VWF: variants seen among roughly 807,000 people sequenced by gnomAD.
The protein encoded by VWF is Factor VIII related antigen.
In VWF, 176 loss-of-function variants were observed where a neutral mutation model predicts 308.6. That is an observed-to-expected ratio of 0.57 (90% CI 0.50 to 0.65). The LOEUF (loss-of-function observed/expected upper bound fraction) is 0.65. Among genes scored for constraint, VWF ranks in the 30% least tolerant of loss-of-function variants. VWF has a pLI of 0.00. For missense variants in VWF, 3,146 were observed against 3,648.2 expected, an observed-to-expected ratio of 0.86 and a Z score of 3.55; for synonymous variants, 1,385 against 1,443.4, an observed-to-expected ratio of 0.96 and a Z score of 0.92.
chr12:6,039,069 C>A (rs956284765), intron 18 of VWF, among the ~76,000 whole-genome samples: 1 of 152,116 alleles, frequency 6.6e-6, no homozygotes, highest in Admixed American at 6.5e-5. Context: ...GCACAACAGT[C>A]CCTGGCCAAA....
chr12:5,969,516 C>T (rs1446403903), intron 44 of VWF, 125 bp from the exon 45 acceptor site: 2 of 1,158,774 alleles, frequency 1.7e-6, no homozygotes, highest in South Asian at 1.5e-5. Context: ...CATGTAAGTC[C>T]CACCACAGGG....
chr12:6,103,563 C>T lies in VWF; in HGVS notation c.532+6811G>A, dbSNP rs1591920259. On this transcript the variant is annotated intron_variant, in intron 5 of 51. Transcript: ENST00000261405. ...ATATGTATACACACACACACACACA[C>T]ACACACACACACACACACACAGATC... Among the ~76,000 whole-genome samples, 2 of 124,682 alleles carry T rather than the reference C, an allele frequency of 1.6e-5. 1 individual carries two copies. The highest frequency in any genetic ancestry group is 8.8e-5 in the African/African-American group (2 of 22,830). The allele number at this position is 124,682 out of a possible 152,430, so 81.8% of individuals were successfully genotyped here. A position where few individuals can be genotyped will look rare whatever the true frequency, so the allele number is the denominator to read the frequency against.
At position 6,121,181 on chromosome 12, in the gene VWF, C is replaced by A; in HGVS notation, c.213G>T (p.Ser71=). 6.2e-7 allele frequency: 1 copy of A among 1,614,160 alleles called. No homozygotes were observed. Among genetic ancestry groups the A allele is most frequent in the Non-Finnish European group, 8.5e-7 (1 of 1,180,030 alleles). ...LAGGCQKRSF[S]IIGDFQNGKR... ...GCAGTGCCCAGAACTCACCAATAAT[C>A]GAGAAGGAGCGTTTCTGGCAGCCCC... Residue 71 remains serine (S), a synonymous_variant, in exon 3 of 52, where the codon TCG becomes TCT. Transcript: ENST00000261405.
intron 50 of VWF, 94 bp downstream of exon 50, chr12:5,951,750 C>T (rs1405392298): frequency 1.3e-5 from 17 of 1,334,824 alleles, no homozygotes; most frequent in South Asian, 2.3e-5. Context: ...AACAGTCATG[C>T]GGCTTGCTAA....
intron 47 of VWF, among the ~76,000 whole-genome samples, chr12:5,957,071 T>C (rs1459429217): frequency 6.6e-6 from 1 of 152,240 alleles, no homozygotes; most frequent in Non-Finnish European, 1.5e-5. Context: ...TATGTTTACA[T>C]GTGTTTAGAT....
chr12:6,000,567 G>A (rs1943860050), intron 34 of VWF, among the ~76,000 whole-genome samples: 1 of 152,052 alleles, frequency 6.6e-6, no homozygotes, highest in Non-Finnish European at 1.5e-5. Flanking sequence ...CAGAACTTTG[G>A]GAGGCCGAGG....
intron 21 of VWF, 29 bp from the exon 22 acceptor site, chr12:6,029,517 G>C (rs750175116): frequency 6.2e-7 from 1 of 1,612,698 alleles, no homozygotes; most frequent in East Asian, 2.2e-5. Flanking sequence ...AGAAATCCAG[G>C]AGGATGAAGG....
intron 47 of VWF, 31 bp downstream of exon 47, chr12:5,967,455 A>G (rs752608230): frequency 6.2e-7 from 1 of 1,600,954 alleles, no homozygotes; most frequent in African/African-American, 1.3e-5. Flanking sequence ...CGTCCAGTCC[A>G]TGCCCTCGGT....
At chr12:5,965,795 A>C (rs1943395072) in intron 47 of VWF, among the ~76,000 whole-genome samples, 1 of 152,182 alleles carries the variant, frequency 6.6e-6, no homozygotes, top group African/African-American at 2.4e-5. Flanking sequence ...GAGGACGCTG[A>C]GCTAGAACGG....
rs748100548 is a variant in VWF at position 6,052,792 on chromosome 12, G to A, written c.1946-9C>T. The stretch of plus-strand genomic sequence containing the variant: ...TTTCGGGCAGTTCAGCTCTAGAAGA[G>A]AGAGGAGAAGTAAGGCCTCAGCGGG... On this transcript the variant is annotated splice_polypyrimidine_tract_variant and intron_variant, in intron 15 of 51. Transcript: ENST00000261405. The A allele has an allele frequency of 1.2e-5, 18 of 1,491,932 alleles. No homozygotes were observed. The South Asian group carries it at 2.0e-4, about 16-fold the overall frequency. The allele number at this position is 1,491,932 out of a possible 1,614,324, so 92.4% of individuals were successfully genotyped here.
intron 6 of VWF, among the ~76,000 whole-genome samples, chr12:6,080,601 CAG>C (rs911590955): frequency 2.0e-5 from 3 of 152,210 alleles, no homozygotes; most frequent in African/African-American, 7.2e-5. Context: ...GGAGAAGAAA[CAG>C]AGTCACCACG....
chr12:6,028,438 A>C (rs1565835524), intron 22 of VWF, among the ~76,000 whole-genome samples: 1 of 152,246 alleles, frequency 6.6e-6, no homozygotes, highest in Non-Finnish European at 1.5e-5. Flanking sequence ...CAAGAAGAGC[A>C]ACCCCAAGAC....
intron 23 of VWF, 64 bp downstream of exon 23, chr12:6,025,842 G>T: frequency 6.2e-7 from 1 of 1,612,488 alleles, no homozygotes; most frequent in Admixed American, 1.7e-5. Flanking sequence ...CATGACAATG[G>T]GGACAGAGGG....
chr12:5,949,324 C>A, intron 51 of VWF, 121 bp from the exon 52 acceptor site: 1 of 945,830 alleles, frequency 1.1e-6, no homozygotes, highest in East Asian at 2.5e-5. Context: ...CTGATCTCAC[C>A]CAGAAGCACC....
In VWF at chr12:6,020,334, T is replaced by C. The variant is rs1944115847; in HGVS notation, c.3675-591A>G. 6.6e-6 allele frequency among the ~76,000 whole-genome samples: 1 copy of C among 152,250 alleles called. No individual in the cohort carries two copies. Among genetic ancestry groups the C allele is most frequent in the South Asian group, 2.1e-4 (1 of 4,830 alleles). On this transcript the variant is annotated intron_variant, in intron 27 of 51. Transcript: ENST00000261405. The surrounding 1 kb of genome is among the most constrained non-coding windows in gnomAD (Gnocchi z 4.3). Reference sequence around the variant, plus strand: ...GAATAAAGATTCAAAACCCCAGCTTTATCTAGCAGAACAAATTATTTGGGA... The same window carrying C: ...GAATAAAGATTCAAAACCCCAGCTTCATCTAGCAGAACAAATTATTTGGGA...
chr12:6,007,636 A>G lies in VWF; in HGVS notation c.5842+3981T>C, dbSNP rs73261064. On this transcript the variant is annotated intron_variant, in intron 34 of 51. Coordinates refer to ENST00000261405, the MANE Select transcript of VWF (RefSeq NM_000552.5). Reference sequence around the variant, plus strand: ...AAGAAAGATCTCAAACAAATAACCTAATTTTACAATGTAAGAACTAGAAAA... The same window carrying G: ...AAGAAAGATCTCAAACAAATAACCTGATTTTACAATGTAAGAACTAGAAAA... Among the ~76,000 whole-genome samples, 1,124 of 152,300 alleles carry G rather than the reference A, an allele frequency of 7.4e-3. 16 individuals are homozygous for G. The highest frequency in any genetic ancestry group is 0.026 in the African/African-American group (1,077 of 41,568).
At chr12:6,015,317 C>T (rs986906726) in intron 31 of VWF, among the ~76,000 whole-genome samples, 2 of 152,198 alleles carry the variant, frequency 1.3e-5, no homozygotes, top group African/African-American at 4.8e-5. Context: ...ATACGATTTG[C>T]ACATTTTGAG....
At chr12:6,057,753 C>G (rs1291772670) in intron 14 of VWF, 96 bp downstream of exon 14, 24 of 1,423,068 alleles carry the variant, frequency 1.7e-5, no homozygotes, top group Non-Finnish European at 2.1e-5. Flanking sequence ...CCGCCCCCGC[C>G]CTCCGCGGTG....
chr12:6,111,673 G>A lies in VWF; in HGVS notation c.221-705C>T, dbSNP rs546683607. ...AGTGCTATTTAAAATGGTATCGGTCGAGTGCGGTGGCTCACGCCTGTAATC... is the reference window on the plus strand; with the variant it reads ...AGTGCTATTTAAAATGGTATCGGTCAAGTGCGGTGGCTCACGCCTGTAATC... On this transcript the variant is annotated intron_variant, in intron 3 of 51. Coordinates refer to ENST00000261405, the MANE Select transcript of VWF (RefSeq NM_000552.5). Among the ~76,000 whole-genome samples, 103 of 152,298 alleles carry A rather than the reference G, an allele frequency of 6.8e-4. No individual in the cohort carries two copies. In the South Asian group the frequency reaches 0.017, roughly 26 times the overall value.
Sources: gnomAD v4.1 joint callset for allele counts (sites outside exome capture counted in the v4.1 genomes callset) on GRCh38, gnomAD v4.1.1 for gene constraint, Gnocchi (gnomAD v3.1) non-coding constraint, MANE v1.5 for transcripts, NCBI Gene and HGNC (gene_info 2026-07-23, HGNC 2026-07-21) for gene names.